Variants in ZFHX3 observed in about 807,000 individuals in gnomAD.
ZFHX3 encodes zinc finger homeobox 3.
A neutral mutation model predicts 279.1 loss-of-function variants in ZFHX3; 42 were observed. That is an observed-to-expected ratio of 0.15 (90% confidence interval 0.12 to 0.19). The LOEUF is 0.19. Among genes scored for constraint, ZFHX3 ranks in the 10% least tolerant of loss-of-function variants. The probability of loss-of-function intolerance (pLI) is 1.00; values close to 1 mark genes in which losing one functional copy is unlikely to be tolerated. For missense variants in ZFHX3, 4,981 were observed against 4,754.0 expected (o/e 1.05, Z -1.40); for synonymous variants, 2,293 against 1,957.8 (o/e 1.17, Z -4.52).
intron 1 of ZFHX3, among the ~76,000 whole-genome samples, chr16:73,705,629 C>T (rs936489023): frequency 2.6e-5 from 4 of 152,158 alleles, no homozygotes; most frequent in African/African-American, 7.2e-5. Flanking sequence ...ATTTCCTCCA[C>T]GTTTATTAAG....
intron 1 of ZFHX3, among the ~76,000 whole-genome samples, chr16:73,716,031 T>C (rs1343435070): frequency 6.6e-6 from 1 of 152,210 alleles, no homozygotes; most frequent in Non-Finnish European, 1.5e-5. Context: ...GTTTGAAAAA[T>C]TATTTTATTG....
At chr16:72,830,220 A>G (rs192336398) in intron 4 of ZFHX3, among the ~76,000 whole-genome samples, 82 of 152,348 alleles carry the variant, frequency 5.4e-4, no homozygotes, top group African/African-American at 1.9e-3. Flanking sequence ...AGTCTTTTAC[A>G]CTTGAAAATG....
intron 1 of ZFHX3, among the ~76,000 whole-genome samples, chr16:73,740,454 A>G (rs1016851885): frequency 1.3e-5 from 2 of 152,048 alleles, no homozygotes; most frequent in Admixed American, 1.3e-4. Flanking sequence ...CAGGCAGGTG[A>G]GTTTTCCTCT....
chr16:73,133,983 T>C (rs1966742766), intron 6 of ZFHX3, among the ~76,000 whole-genome samples: 1 of 152,180 alleles, frequency 6.6e-6, no homozygotes, highest in Admixed American at 6.5e-5. Flanking sequence ...CCGATACTTA[T>C]TATGTGCCAA....
chr16:73,058,544 G>C (rs1226566038), exon 1 of ZFHX3: 1 of 172,072 alleles, frequency 5.8e-6, no homozygotes, highest in African/African-American at 2.4e-5. Context: ...TTGCTTCTCC[G>C]GCGGCGGCGG....
At chr16:73,398,728 C>T (rs1002169792) in intron 3 of ZFHX3, among the ~76,000 whole-genome samples, 1 of 152,208 alleles carries the variant, frequency 6.6e-6, no homozygotes, top group Non-Finnish European at 1.5e-5. Flanking sequence ...CTTACATAAG[C>T]CGACCCATAA....
intron 3 of ZFHX3, chr16:73,388,872 T>G (rs1444718137): frequency 1.3e-5 from 2 of 152,278 alleles, no homozygotes; most frequent in Non-Finnish European, 1.5e-5. Context: ...TCAGACACTG[T>G]GAACAACTCC....
At chr16:73,202,994 T>C (rs895905944) in intron 5 of ZFHX3, among the ~76,000 whole-genome samples, 2 of 151,278 alleles carry the variant, frequency 1.3e-5, no homozygotes, top group Admixed American at 1.3e-4. Context: ...CTTCTTGATC[T>C]TCCCAGCCTA....
chr16:73,246,141 T>G (rs2013273663), intron 5 of ZFHX3, among the ~76,000 whole-genome samples: 1 of 152,106 alleles, frequency 6.6e-6, no homozygotes, highest in African/African-American at 2.4e-5. Context: ...CCAGAGGAGC[T>G]TCACTAGATG....
At chr16:73,240,643 C>T (rs1184458957) in intron 5 of ZFHX3, among the ~76,000 whole-genome samples, 3 of 152,118 alleles carry the variant, frequency 2.0e-5, no homozygotes, top group African/African-American at 7.2e-5. Flanking sequence ...CTTATTTGAC[C>T]TCAGCTGGGA....
intron 1 of ZFHX3, among the ~76,000 whole-genome samples, chr16:73,714,531 G>A (rs2053395746): frequency 1.3e-5 from 2 of 152,094 alleles, no homozygotes; most frequent in Non-Finnish European, 2.9e-5. Flanking sequence ...CCAGCCCAGT[G>A]TCCTCCGAAT....
chr16:73,486,765 G>A (rs749712507), intron 2 of ZFHX3: 2 of 455,302 alleles, frequency 4.4e-6, no homozygotes, highest in African/African-American at 4.0e-5. Context: ...AATGAAGTTT[G>A]CTTTTATCTG....
At chr16:73,685,139 C>A (rs950119895) in intron 1 of ZFHX3, among the ~76,000 whole-genome samples, 1 of 151,910 alleles carries the variant, frequency 6.6e-6, no homozygotes, top group African/African-American at 2.4e-5. Flanking sequence ...CTCAGCCTCC[C>A]GAGTAGCTGG....
At chr16:72,946,121 T>C (rs901057096) in intron 3 of ZFHX3, among the ~76,000 whole-genome samples, 1 of 152,194 alleles carries the variant, frequency 6.6e-6, no homozygotes, top group Non-Finnish European at 1.5e-5. Flanking sequence ...TGATGGAAGT[T>C]TTCTTACATT....
intron 5 of ZFHX3, among the ~76,000 whole-genome samples, chr16:73,178,429 G>A (rs11645667): frequency 0.24 from 36,395 of 151,946 alleles, 4,384 homozygotes; most frequent in East Asian, 0.3. Flanking sequence ...GTGAGCCACC[G>A]CGCCTGACCA....
chr16:73,841,222 T>A (rs543153720), intron 1 of ZFHX3, among the ~76,000 whole-genome samples: 1 of 152,172 alleles, frequency 6.6e-6, no homozygotes, highest in Non-Finnish European at 1.5e-5. Context: ...GGCAGAGGTC[T>A]TATGAGCCCA....
intron 2 of ZFHX3, among the ~76,000 whole-genome samples, chr16:73,599,368 G>C (rs2052087410): frequency 6.6e-6 from 1 of 152,214 alleles, no homozygotes; most frequent in Non-Finnish European, 1.5e-5. Context: ...TCTAAAACCA[G>C]GACCAGCTAC....
rs537278580 is a variant in ZFHX3, at chr16:73,728,570, G to A, written c.-1607-48330C>T. Among the ~76,000 whole-genome samples the A allele has an allele frequency of 5.5e-4, 84 of 152,134 alleles. 1 individual carries two copies. The South Asian group carries it at 0.016, about 30-fold the overall frequency. ...TAGCCCGCAACTCAGTCTCCTATAC[G>A]ATAACTCTTGTGAGTTACTGGTGGC... On this transcript the variant is annotated intron_variant, in intron 1 of 17. Coordinates refer to the ZFHX3 transcript ENST00000641206.
intron 4 of ZFHX3, among the ~76,000 whole-genome samples, chr16:72,856,876 G>C (rs1315578440): frequency 6.6e-6 from 1 of 152,144 alleles, no homozygotes; most frequent in African/African-American, 2.4e-5. Flanking sequence ...ATACAGACAG[G>C]AAGATTGATC....
Sources: allele counts gnomAD v4.1 joint callset (sites outside exome capture counted in the v4.1 genomes callset), GRCh38; gene constraint gnomAD v4.1.1; transcripts MANE v1.5; gene names NCBI Gene and HGNC (gene_info 2026-07-23, HGNC 2026-07-21).